The following MAP3K14 variants were observed in gnomAD, a reference collection of about 807,000 sequenced individuals.
The protein encoded by MAP3K14 is mitogen-activated protein kinase kinase kinase 14.
A neutral mutation model predicts 99.2 loss-of-function variants in MAP3K14; 16 were observed. The ratio of observed to expected loss-of-function variants is 0.16; its 90% CI spans 0.11 to 0.24. MAP3K14 has a LOEUF of 0.24. Among genes scored for constraint, MAP3K14 ranks in the 10% least tolerant of loss-of-function variants. The pLI is 1.00. For synonymous variants in MAP3K14, 462 were observed against 492.4 expected (o/e 0.94, Z 0.82); for missense variants, 784 against 1,208.7 (o/e 0.65, Z 5.21).
chr17:45,294,142 C>G (rs142713164), intron 1 of MAP3K14, among the ~76,000 whole-genome samples: 1 of 152,226 alleles, frequency 6.6e-6, no homozygotes, highest in Non-Finnish European at 1.5e-5. Context: ...AGCTTATTCA[C>G]GCCCCAAAGG....
chr17:45,288,097 C>T (rs1218608187), intron 3 of MAP3K14, among the ~76,000 whole-genome samples: 1 of 152,242 alleles, frequency 6.6e-6, no homozygotes, highest in African/African-American at 2.4e-5. Context: ...TTGGCCTCAT[C>T]TTCTGCCCCC....
At chr17:45,291,795 G>A (rs1054714066) in intron 1 of MAP3K14, among the ~76,000 whole-genome samples, 2 of 152,248 alleles carry the variant, frequency 1.3e-5, no homozygotes, top group South Asian at 4.1e-4. Flanking sequence ...CCCAAATGCA[G>A]ACAGATTTTT....
At chr17:45,274,036 G>T in intron 8 of MAP3K14, 87 bp downstream of exon 8, 1 of 1,501,716 alleles carries the variant, frequency 6.7e-7, no homozygotes, top group Non-Finnish European at 9.0e-7. Flanking sequence ...GGGATGACCA[G>T]GCTAGCCCAG....
rs866370400 is a variant in MAP3K14, at chr17:45,308,134, C to T, written c.-21+8826G>A. Among the ~76,000 whole-genome samples the T allele has an allele frequency of 1.8e-4, 27 of 152,334 alleles. No homozygotes were observed. The Middle Eastern group carries it at 0.017, about 96-fold the overall frequency. On this transcript the variant is annotated intron_variant, in intron 1 of 15. Coordinates refer to ENST00000344686, the MANE Select transcript of MAP3K14 (RefSeq NM_003954.5). ...TAAAAGAGGGTAAATCATGAAACAG[C>T]CCACGGCTCTCTCGTCCTCCCCGAG...
chr17:45,302,154 A>T (rs1444191483), intron 1 of MAP3K14, among the ~76,000 whole-genome samples: 2 of 141,370 alleles, frequency 1.4e-5, no homozygotes, highest in Non-Finnish European at 3.1e-5. Context: ...TTAACAGATA[A>T]TGTTTCTAAG....
Position 45,286,250 on chromosome 17 carries a change from A to G in MAP3K14, c.1152+181T>C, listed in dbSNP as rs2044263076. ...CAACCAGAAGAACTCAGAACAGAAG[A>G]CGCTAAAAAGGCTGTGAGAAGTGAG... On this transcript the variant is annotated intron_variant, in intron 5 of 15. Coordinates refer to ENST00000344686, the MANE Select transcript of MAP3K14 (RefSeq NM_003954.5). The surrounding 1 kb of genome is among the most constrained non-coding windows in gnomAD (Gnocchi z 4.1). Among the ~76,000 whole-genome samples, 1 of 152,156 alleles carries G rather than the reference A, an allele frequency of 6.6e-6. No individual in the cohort carries two copies. The highest frequency in any genetic ancestry group is 1.5e-5 in the Non-Finnish European group (1 of 68,034).
chr17:45,295,078 C>A (rs1318154381), intron 1 of MAP3K14, among the ~76,000 whole-genome samples: 1 of 152,120 alleles, frequency 6.6e-6, no homozygotes, highest in Admixed American at 6.5e-5. Flanking sequence ...CTGGAAGATA[C>A]AAAAACAATG....
intron 1 of MAP3K14, among the ~76,000 whole-genome samples, chr17:45,304,864 T>C (rs1046350702): frequency 6.6e-6 from 1 of 152,162 alleles, no homozygotes. Flanking sequence ...TCACATAATC[T>C]GAGACTCAGG....
chr17:45,278,757 C>T (rs1468278867), intron 6 of MAP3K14, among the ~76,000 whole-genome samples: 2 of 151,690 alleles, frequency 1.3e-5, no homozygotes, highest in Non-Finnish European at 2.9e-5. Flanking sequence ...CAGCTCACTG[C>T]AGCCTCGACC....
intron 1 of MAP3K14, among the ~76,000 whole-genome samples, chr17:45,311,682 C>T (rs569598049): frequency 6.6e-6 from 1 of 152,294 alleles, no homozygotes; most frequent in East Asian, 1.9e-4. Context: ...TTCTGAAATC[C>T]AGGGTTTAAT....
chr17:45,303,207 A>C (rs2044403725), intron 1 of MAP3K14, among the ~76,000 whole-genome samples: 1 of 152,196 alleles, frequency 6.6e-6, no homozygotes, highest in Admixed American at 6.5e-5. Flanking sequence ...CCAAGGGAGG[A>C]CAGTTTTCCT....
intron 1 of MAP3K14, among the ~76,000 whole-genome samples, chr17:45,311,954 C>A (rs2143880762): frequency 6.6e-6 from 1 of 152,264 alleles, no homozygotes; most frequent in South Asian, 2.1e-4. Flanking sequence ...GGCTCTGTGC[C>A]CCGTCCACGA....
intron 1 of MAP3K14, among the ~76,000 whole-genome samples, chr17:45,307,961 C>G (rs1158555836): frequency 2.0e-5 from 3 of 152,194 alleles, no homozygotes; most frequent in Non-Finnish European, 2.9e-5. Flanking sequence ...CAAGCTGGAC[C>G]AAGTAACCAG....
At chr17:45,275,547 C>T (rs767159670) in intron 6 of MAP3K14, among the ~76,000 whole-genome samples, 2 of 151,748 alleles carry the variant, frequency 1.3e-5, no homozygotes, top group African/African-American at 2.4e-5. Flanking sequence ...CCCCTACATT[C>T]GTCATCCTGG....
chr17:45,276,022 A>C (rs1417652835), intron 6 of MAP3K14, among the ~76,000 whole-genome samples: 1 of 152,054 alleles, frequency 6.6e-6, no homozygotes, highest in African/African-American at 2.4e-5. Flanking sequence ...TGGCCTCCCA[A>C]AGTGCTAGGA....
chr17:45,273,895 T>C (rs2044159292), intron 8 of MAP3K14: 2 of 651,974 alleles, frequency 3.1e-6, no homozygotes. Flanking sequence ...CACCAGTGGG[T>C]GGGAGCTTGA....
intron 15 of MAP3K14, 139 bp from the exon 16 acceptor site, chr17:45,264,939 C>A (rs2285674): frequency 0.52 from 489,725 of 937,766 alleles, 129,785 homozygotes; most frequent in East Asian, 0.56. Context: ...CTCAGAGAAT[C>A]CCACCCGGCT....
chr17:45,265,059 C>T, intron 15 of MAP3K14, 104 bp downstream of exon 15: 1 of 995,026 alleles, frequency 1.0e-6, no homozygotes, highest in African/African-American at 1.6e-5. Flanking sequence ...CAAGTATTCC[C>T]TAGAGTGCCA....
intron 1 of MAP3K14, among the ~76,000 whole-genome samples, chr17:45,293,120 G>T (rs940565228): frequency 6.6e-6 from 1 of 152,374 alleles, no homozygotes; most frequent in African/African-American, 2.4e-5. Flanking sequence ...CTGAACGAGG[G>T]ACTCAAAGGA....
Sources: gnomAD v4.1 joint callset for allele counts (sites outside exome capture counted in the v4.1 genomes callset) on GRCh38, gnomAD v4.1.1 for gene constraint, Gnocchi (gnomAD v3.1) non-coding constraint, MANE v1.5 for transcripts, NCBI Gene and HGNC (gene_info 2026-07-23, HGNC 2026-07-21) for gene names.